Variants in PCDH11X observed in about 807,000 individuals in gnomAD.
PCDH11X encodes protocadherin 11 X-linked.
PCDH11X carries 18 observed loss-of-function variants against 53.3 expected under a neutral mutation model. That is an observed-to-expected ratio of 0.34 (90% CI 0.23 to 0.50). PCDH11X has a LOEUF of 0.50. PCDH11X is among the 20% of genes least tolerant of loss of function. PCDH11X has a pLI of 0.98. For missense variants in PCDH11X, 570 were observed against 1,032.4 expected, an observed-to-expected ratio of 0.55 and a Z score of 6.14; for synonymous variants, 279 against 393.3, an observed-to-expected ratio of 0.71 and a Z score of 3.44.
At chrX:92,559,533 T>A (rs1037298555) in intron 10 of PCDH11X, among the ~76,000 whole-genome samples, 1 of 111,001 alleles carries the variant, frequency 9.0e-6, no homozygotes, top group Admixed American at 9.6e-5. Flanking sequence ...TATCATATCA[T>A]TAAAAGAGGC....
At chrX:91,825,588 T>C (rs1936892896) in intron 4 of PCDH11X, among the ~76,000 whole-genome samples, 1 of 110,939 alleles carries the variant, frequency 9.0e-6, no homozygotes, top group Admixed American at 9.5e-5. Flanking sequence ...CACTCCCTAG[T>C]GAGATGAACC....
intron 10 of PCDH11X, among the ~76,000 whole-genome samples, chrX:92,612,272 C>T (rs1185480458): frequency 9.0e-6 from 1 of 110,546 alleles, no homozygotes; most frequent in Non-Finnish European, 1.9e-5. Context: ...CTGATACAAT[C>T]TCAAAACTCA....
At chrX:92,588,814 G>A (rs1166238865) in intron 10 of PCDH11X, among the ~76,000 whole-genome samples, 1 of 109,918 alleles carries the variant, frequency 9.1e-6, no homozygotes, top group Non-Finnish European at 1.9e-5. Context: ...CCAAGTATAA[G>A]AAGGCTGTCG....
chrX:92,274,262 G>T (rs2068027990), intron 8 of PCDH11X, among the ~76,000 whole-genome samples: 1 of 109,067 alleles, frequency 9.2e-6, no homozygotes, highest in African/African-American at 3.5e-5. Flanking sequence ...GGCTGAGCTT[G>T]GTGAGGTGCG....
At chrX:92,102,133 G>C (rs2064268860) in intron 6 of PCDH11X, among the ~76,000 whole-genome samples, 1 of 111,264 alleles carries the variant, frequency 9.0e-6, no homozygotes, top group African/African-American at 3.3e-5. Flanking sequence ...CCAGATTGAA[G>C]TCCCGGCCAG....
At chrX:91,880,033 G>C (rs1165360099) in intron 6 of PCDH11X, 1 of 616,857 alleles carries the variant, frequency 1.6e-6, no homozygotes, top group East Asian at 1.7e-4. Context: ...TAAAATGTTT[G>C]CTTTCTCTAA....
chrX:92,186,367 C>T (rs760171406), intron 6 of PCDH11X, among the ~76,000 whole-genome samples: 4 of 111,790 alleles, frequency 3.6e-5, no homozygotes, highest in African/African-American at 1.3e-4. Flanking sequence ...TAGTGGCTCA[C>T]GCCTGTAATC....
chrX:92,437,876 A>T (rs192243679), intron 9 of PCDH11X, among the ~76,000 whole-genome samples: 246 of 110,747 alleles, frequency 2.2e-3, no homozygotes, highest in African/African-American at 7.6e-3. Flanking sequence ...AAAAAGATTT[A>T]AAAAATACAG....
chrX:92,053,732 G>A (rs1251785256), intron 6 of PCDH11X, among the ~76,000 whole-genome samples: 2 of 108,915 alleles, frequency 1.8e-5, no homozygotes, highest in African/African-American at 3.4e-5. Context: ...CACCACACCC[G>A]GCTAATTTTT....
At chrX:92,223,845 A>G (rs1556282721) in intron 7 of PCDH11X, among the ~76,000 whole-genome samples, 1 of 111,283 alleles carries the variant, frequency 9.0e-6, no homozygotes, top group African/African-American at 3.3e-5. Context: ...TACACCATAT[A>G]TACATATGGT....
chrX:92,149,256 T>C (rs1485277028), intron 6 of PCDH11X, among the ~76,000 whole-genome samples: 1 of 109,164 alleles, frequency 9.2e-6, no homozygotes, highest in Non-Finnish European at 1.9e-5. Flanking sequence ...TTTAGAGTGC[T>C]AATGTCTATT....
intron 10 of PCDH11X, among the ~76,000 whole-genome samples, chrX:92,607,631 T>C (rs1376711874): frequency 2.7e-5 from 3 of 111,755 alleles, no homozygotes; most frequent in Non-Finnish European, 3.8e-5. Flanking sequence ...CTCACGAAAA[T>C]TGTTAAAAAG....
chrX:92,065,479 C>A (rs1176207785), intron 6 of PCDH11X, among the ~76,000 whole-genome samples: 1 of 111,099 alleles, frequency 9.0e-6, no homozygotes, highest in Non-Finnish European at 1.9e-5. Flanking sequence ...ACATTCCCAC[C>A]AACAATGTAC....
At chrX:92,210,481 C>T (rs372995729) in intron 7 of PCDH11X, among the ~76,000 whole-genome samples, 1 of 109,918 alleles carries the variant, frequency 9.1e-6, no homozygotes. Flanking sequence ...CCTTGTGATC[C>T]ACCTGCCTCA....
chrX:92,039,700 C>G (rs1179800955), intron 6 of PCDH11X, among the ~76,000 whole-genome samples: 2 of 111,837 alleles, frequency 1.8e-5, no homozygotes, highest in African/African-American at 6.5e-5. Flanking sequence ...CTGCTTTATG[C>G]TGTACCCCAC....
intron 8 of PCDH11X, among the ~76,000 whole-genome samples, chrX:92,307,535 C>A (rs1401629279): frequency 9.5e-6 from 1 of 105,303 alleles, no homozygotes; most frequent in Non-Finnish European, 2.0e-5. Flanking sequence ...AGATCAGGAA[C>A]AGGAATAGGG....
chrX:91,799,843 C>T (rs1451009413), intron 1 of PCDH11X, among the ~76,000 whole-genome samples: 1 of 111,833 alleles, frequency 8.9e-6, no homozygotes, highest in Non-Finnish European at 1.9e-5. Flanking sequence ...GATCCCAGCA[C>T]TTTGGGAGGC....
chrX:92,351,925 T>C (rs1022548294), intron 8 of PCDH11X, among the ~76,000 whole-genome samples: 2 of 111,864 alleles, frequency 1.8e-5, no homozygotes, highest in Non-Finnish European at 3.8e-5. Flanking sequence ...AAAGAAGACA[T>C]GTGAAGTGTT....
chrX:92,555,830 G>A (rs893156001), intron 10 of PCDH11X, among the ~76,000 whole-genome samples: 1 of 111,105 alleles, frequency 9.0e-6, no homozygotes, highest in African/African-American at 3.3e-5. Flanking sequence ...CTAAACACAT[G>A]TATTAGCTCA....
Sources: gnomAD v4.1 joint callset for allele counts (sites outside exome capture counted in the v4.1 genomes callset) on GRCh38, gnomAD v4.1.1 for gene constraint, MANE v1.5 for transcripts, NCBI Gene and HGNC (gene_info 2026-07-23, HGNC 2026-07-21) for gene names.